Variants in TTBK2 observed in about 807,000 individuals in gnomAD.
TTBK2 encodes tau-tubulin kinase 2.
In TTBK2, 28 loss-of-function variants were observed where a neutral mutation model predicts 110.8. That is an observed-to-expected ratio of 0.25 (90% CI 0.19 to 0.35). TTBK2 has a LOEUF of 0.35. Ranked by LOEUF, TTBK2 falls within the 10% of genes least tolerant of loss-of-function variation. The pLI is 1.00. For synonymous variants in TTBK2, 532 were observed against 527.3 expected (o/e 1.01, Z -0.12); for missense variants, 1,369 against 1,500.3 (o/e 0.91, Z 1.45).
At chr15:42,812,842 T>C (rs1028239368) in intron 7 of TTBK2, among the ~76,000 whole-genome samples, 1 of 134,562 alleles carries the variant, frequency 7.4e-6, no homozygotes, top group African/African-American at 2.8e-5. Flanking sequence ...ATTATAGAAA[T>C]TAAAAACTCA....
chr15:42,778,909 A>T (rs1405061963), intron 11 of TTBK2, among the ~76,000 whole-genome samples: 1 of 152,238 alleles, frequency 6.6e-6, no homozygotes, highest in South Asian at 2.1e-4. Context: ...GGGACACAAG[A>T]TATCCTAAGC....
In TTBK2 at chr15:42,746,054, G is replaced by C; in HGVS notation, c.3476C>G (p.Ser1159Cys). The C allele has an allele frequency of 6.2e-7, 1 of 1,614,170 alleles. No individual in the cohort carries two copies. The highest frequency in any genetic ancestry group is 8.5e-7 in the Non-Finnish European group (1 of 1,180,038). Residue 1159 changes from serine to cysteine, a missense_variant, in exon 15 of 15, where the codon TCC (serine) becomes TGC (cysteine). Coordinates refer to ENST00000267890, the MANE Select transcript of TTBK2 (RefSeq NM_173500.4). Reference sequence around the variant, plus strand: ...TGAGGAACTAGACGTGCGAGGCAAGGATGAGCTTCGAGGAGAGGCACTGGG... The same window carrying C: ...TGAGGAACTAGACGTGCGAGGCAAGCATGAGCTTCGAGGAGAGGCACTGGG... ...RSPSASPRSS[S>C]LPRTSSSSPS...
Position 42,752,236 on chromosome 15 carries a change from C to T in TTBK2, c.3010G>A (p.Glu1004Lys), listed in dbSNP as rs779236069. Residue 1004 changes from glutamate (E) to lysine (K), a missense_variant, in exon 14 of 15, where the codon GAG becomes AAG. Glu to Lys is a moderately conservative substitution (Grantham distance 56). This residue lies in a region of TTBK2 where 1,097 missense variants were observed against 1,114.7 expected (regional missense o/e 0.98). Coordinates refer to ENST00000267890, the MANE Select transcript of TTBK2 (RefSeq NM_173500.4). ...GCAGGAACAGTAGCTAGTTTCTCCT[C>T]TAGCAATTTATCAGAGGCACTTGAG... ...DLSSASDKLL[E>K]EKLATVPAPF... The T allele has an allele frequency of 2.8e-5, 45 of 1,613,968 alleles. No homozygotes were observed. The highest frequency in any genetic ancestry group is 1.7e-6 in the Non-Finnish European group (2 of 1,180,004).
In TTBK2 at chr15:42,851,968, C is replaced by T. The variant is rs949023872; in HGVS notation, c.218-11535G>A. On this transcript the variant is annotated intron_variant, in intron 3 of 14. Coordinates refer to ENST00000267890, the MANE Select transcript of TTBK2 (RefSeq NM_173500.4). ...TAGTTATATATGAATGATACTAAAA[C>T]AAGATAAAGTATCAACGAGCCTAAC... Among the ~76,000 whole-genome samples, 4 of 151,898 alleles carry T rather than the reference C, an allele frequency of 2.6e-5. No homozygotes were observed. In the East Asian group the frequency reaches 7.7e-4, roughly 29 times the overall value.
chr15:42,772,082 C>T lies in TTBK2; in HGVS notation c.1998+3053G>A, dbSNP rs537372492. On this transcript the variant is annotated intron_variant, in intron 13 of 14. Coordinates refer to ENST00000267890, the MANE Select transcript of TTBK2 (RefSeq NM_173500.4). ...TGACCCAGAGGTGTCTCCTGGTATT[C>T]ACACCCTCGTATAGACCCTCATATA... 5.3e-5 allele frequency among the ~76,000 whole-genome samples: 8 copies of T among 152,248 alleles called. No homozygotes were observed. In the East Asian group the frequency reaches 1.5e-3, roughly 29 times the overall value.
At chr15:42,787,633 C>G (rs941458232) in intron 10 of TTBK2, among the ~76,000 whole-genome samples, 2 of 152,122 alleles carry the variant, frequency 1.3e-5, no homozygotes, top group African/African-American at 2.4e-5. Context: ...CCACTGTAAC[C>G]AAATTGTCAA....
chr15:42,887,877 C>A (rs1228867317), intron 1 of TTBK2, among the ~76,000 whole-genome samples: 1 of 152,126 alleles, frequency 6.6e-6, no homozygotes, highest in Non-Finnish European at 1.5e-5. Context: ...TCAGTCAAGC[C>A]CAAATTTCTT....
chr15:42,839,567 A>T (rs928148680), intron 4 of TTBK2, among the ~76,000 whole-genome samples: 2 of 152,210 alleles, frequency 1.3e-5, no homozygotes, highest in African/African-American at 4.8e-5. Context: ...TCCCACCAGC[A>T]GTGTATAAGT....
At chr15:42,871,430 T>G in intron 3 of TTBK2, 2 of 985,282 alleles carry the variant, frequency 2.0e-6, no homozygotes, top group Non-Finnish European at 2.4e-6. Context: ...GTGGCAAAGC[T>G]GTATCCTGCC....
At chr15:42,763,157 C>CATATATATATATAT (rs1567008803) in intron 13 of TTBK2, among the ~76,000 whole-genome samples, 28 of 20,466 alleles carry the variant, frequency 1.4e-3, no homozygotes, top group East Asian at 5.3e-3. Context: ...TATATATATA[C>CATATATATATATAT]ATATATATAT....
Position 42,766,446 on chromosome 15 carries a change from C to CAAAAAAAAAAAAA in TTBK2, c.1998+8676_1998+8688dup, listed in dbSNP as rs567972612. Among the ~76,000 whole-genome samples the CAAAAAAAAAAAAA allele has an allele frequency of 5.2e-3, 161 of 30,852 alleles. 34 individuals carry two copies. The highest frequency in any genetic ancestry group is 0.039 in the African/African-American group (119 of 3,078). The allele number at this position is 30,852 out of a possible 152,430, so 20.2% of individuals were successfully genotyped here. A position where few individuals can be genotyped will look rare whatever the true frequency, so the allele number is the denominator to read the frequency against. ...GAAGATCTACCAAGCGAATGGAAAG[C>CAAAAAAAAAAAAA]AAAAAAAAAAAAAAAAAAAAAGCAA... On this transcript the variant is annotated intron_variant, in intron 13 of 14. Transcript: ENST00000267890.
At chr15:42,801,578 T>C in intron 9 of TTBK2, 1 of 772,292 alleles carries the variant, frequency 1.3e-6, no homozygotes. Flanking sequence ...GTACATGCTC[T>C]CAGCCTCAGC....
chr15:42,849,477 GA>G (rs1893607592), intron 3 of TTBK2, among the ~76,000 whole-genome samples: 1 of 151,980 alleles, frequency 6.6e-6, no homozygotes. Context: ...TTTTCTATAT[GA>G]ATTCAGATTT....
At chr15:42,835,402 G>A (rs1284805762) in intron 4 of TTBK2, among the ~76,000 whole-genome samples, 1 of 151,974 alleles carries the variant, frequency 6.6e-6, no homozygotes, top group Non-Finnish European at 1.5e-5. Context: ...AAAATACAGG[G>A]GACAGAAATA....
At chr15:42,860,665 ATGGCATT>A (rs1894122130) in intron 3 of TTBK2, among the ~76,000 whole-genome samples, 2 of 114,464 alleles carry the variant, frequency 1.7e-5, no homozygotes, top group African/African-American at 7.5e-5. Context: ...TTTTTTTGAG[ATGGCATT>A]TAGTGCTACA....
chr15:42,750,942 C>T (rs144315073), intron 14 of TTBK2, among the ~76,000 whole-genome samples: 89 of 152,258 alleles, frequency 5.8e-4, no homozygotes, highest in African/African-American at 2.1e-3. Context: ...TTTTAAAATA[C>T]TAAAAGAAAT....
chr15:42,909,335 C>T (rs1442116117), intron 1 of TTBK2, among the ~76,000 whole-genome samples: 2 of 152,280 alleles, frequency 1.3e-5, no homozygotes, highest in Admixed American at 6.5e-5. Context: ...GGCCTCATCC[C>T]CCACCTTCAA....
chr15:42,800,641 G>A (rs1234399397), intron 9 of TTBK2, among the ~76,000 whole-genome samples: 1 of 152,040 alleles, frequency 6.6e-6, no homozygotes, highest in Non-Finnish European at 1.5e-5. Context: ...TTGGCTGATT[G>A]AAAGGCAGAT....
intron 3 of TTBK2, among the ~76,000 whole-genome samples, chr15:42,866,689 T>TA (rs1183239979): frequency 6.6e-6 from 1 of 151,782 alleles, no homozygotes; most frequent in Non-Finnish European, 1.5e-5. Flanking sequence ...CTAACAAACT[T>TA]AAAAAAATAG....
Sources: allele counts gnomAD v4.1 joint callset (sites outside exome capture counted in the v4.1 genomes callset), GRCh38; gene constraint gnomAD v4.1.1; regional missense constraint gnomAD v4.1.1; transcripts MANE v1.5; gene names NCBI Gene and HGNC (gene_info 2026-07-23, HGNC 2026-07-21).